Variants in RHOD observed in about 807,000 individuals in gnomAD.
RHOD encodes ras homolog family member D.
Under a neutral mutation model 16.7 loss-of-function variants are expected in RHOD, and 11 were observed. The observed-to-expected ratio is 0.66, with a 90% CI of 0.41 to 1.09. The LOEUF is 1.09. RHOD is among the 50% of genes least tolerant of loss of function. RHOD has a pLI of 0.00. For synonymous variants in RHOD, 124 were observed against 126.3 expected (o/e 0.98, Z 0.12); for missense variants, 271 against 291.7 (o/e 0.93, Z 0.52).
At chr11:67,062,104 T>C (rs1244655177) in intron 1 of RHOD, among the ~76,000 whole-genome samples, 1 of 152,006 alleles carries the variant, frequency 6.6e-6, no homozygotes, top group Non-Finnish European at 1.5e-5. Context: ...CGAGATGAGA[T>C]TTGCTTGGGG....
At position 67,071,651 on chromosome 11, in the gene RHOD, G is replaced by A. The variant is rs1327018929; in HGVS notation, c.*49G>A. 2.7e-5 allele frequency: 40 copies of A among 1,501,778 alleles called. No homozygotes were observed. The highest frequency in any genetic ancestry group is 3.6e-5 in the Non-Finnish European group (40 of 1,119,326). 93.0% of individuals were successfully genotyped at this position (1,501,778 alleles called of 1,614,324 possible). A position where few individuals can be genotyped will look rare whatever the true frequency, so the allele number is the denominator to read the frequency against. The stretch of plus-strand genomic sequence containing the variant: ...GCGGGAAGGGGCAGGGCGCTGACCT[G>A]CTGCTGAGCTGGCTGGGCTGGACCC... On this transcript the variant is annotated 3_prime_UTR_variant, in exon 5 of 5. Coordinates refer to ENST00000308831, the MANE Select transcript of RHOD (RefSeq NM_014578.4).
At position 67,070,413 on chromosome 11, in the gene RHOD, GC is replaced by G; in HGVS notation, c.331-6del. The G allele has an allele frequency of 6.2e-7, 1 of 1,612,738 alleles. No homozygotes were observed. Among genetic ancestry groups the G allele is most frequent in the Non-Finnish European group, 8.5e-7 (1 of 1,179,596 alleles). On this transcript the variant is annotated splice_polypyrimidine_tract_variant and intron_variant, in intron 3 of 4. Transcript: ENST00000308831. The stretch of plus-strand genomic sequence containing the variant: ...ACACATGCCCCCCACATGCCCCCTC[GC>G]CCCCCTGCAGTGGTACCCAGAAGTG...
At chr11:67,067,184 C>T (rs1364352512) in intron 3 of RHOD, among the ~76,000 whole-genome samples, 1 of 152,242 alleles carries the variant, frequency 6.6e-6, no homozygotes, top group Non-Finnish European at 1.5e-5. Context: ...ATCTCCCCAG[C>T]CTGTGCCCGC....
intron 1 of RHOD, among the ~76,000 whole-genome samples, chr11:67,060,796 T>C (rs1366685101): frequency 6.6e-6 from 1 of 152,238 alleles, no homozygotes; most frequent in Non-Finnish European, 1.5e-5. Flanking sequence ...GTCATTACCA[T>C]GGGCATTTGC....
Position 67,068,957 on chromosome 11 carries a change from TTTTG to T in RHOD, c.331-1444_331-1441del, listed in dbSNP as rs565103914. 1.4e-3 allele frequency among the ~76,000 whole-genome samples: 217 copies of T among 151,666 alleles called. 1 individual carries two copies. Among genetic ancestry groups the T allele is most frequent in the African/African-American group, 5.0e-3 (205 of 41,332 alleles). On this transcript the variant is annotated intron_variant, in intron 3 of 4. Coordinates refer to ENST00000308831, the MANE Select transcript of RHOD (RefSeq NM_014578.4). Reference sequence around the variant, plus strand: ...AGGAATGAGGTAGTTTGATGCCAATTTTTGTTTGTTTGTTTGTTTGTTTGTTTTG... The same window carrying T: ...AGGAATGAGGTAGTTTGATGCCAATTTTTGTTTGTTTGTTTGTTTGTTTTG...
chr11:67,067,159 G>A (rs989957445), intron 3 of RHOD, among the ~76,000 whole-genome samples: 8 of 152,172 alleles, frequency 5.3e-5, no homozygotes, highest in Non-Finnish European at 1.0e-4. Context: ...TGCTGGGTGA[G>A]CCAGAGGCTG....
chr11:67,059,435 C>A (rs112062440), intron 1 of RHOD, among the ~76,000 whole-genome samples: 1 of 151,938 alleles, frequency 6.6e-6, no homozygotes, highest in Non-Finnish European at 1.5e-5. Context: ...CCCAGCTACT[C>A]GGGAAGCTGA....
intron 1 of RHOD, among the ~76,000 whole-genome samples, chr11:67,064,361 C>T (rs1295050998): frequency 6.7e-6 from 1 of 148,634 alleles, no homozygotes; most frequent in African/African-American, 2.5e-5. Context: ...AGCCAGATCA[C>T]GCCATTGCAC....
chr11:67,063,306 C>T (rs536802687), intron 1 of RHOD, among the ~76,000 whole-genome samples: 1 of 151,298 alleles, frequency 6.6e-6, no homozygotes, highest in Admixed American at 6.6e-5. Flanking sequence ...GCCTGGGCAA[C>T]ATGGCAAAAC....
chr11:67,065,449 C>T (rs1390419102), intron 1 of RHOD, among the ~76,000 whole-genome samples: 2 of 152,010 alleles, frequency 1.3e-5, no homozygotes, highest in South Asian at 2.1e-4. Context: ...GGTGCGATCT[C>T]GTCTCACTGC....
chr11:67,071,568 G>A lies in RHOD; in HGVS notation c.599G>A (p.Arg200Gln), dbSNP rs750473794. 3 of 1,610,994 alleles carry A rather than the reference G, an allele frequency of 1.9e-6. No homozygotes were observed. The highest frequency in any genetic ancestry group is 1.1e-5 in the South Asian group (1 of 90,612). ...ALSSRGRNFW[R>Q]RITQGFCVVT ...AGCAGCCGCGGTCGCAACTTCTGGC[G>A]GCGGATTACCCAGGGCTTTTGCGTG... Residue 200 changes from arginine (R) to glutamine (Q), a missense_variant, in exon 5 of 5, where the codon CGG becomes CAG. Coordinates refer to ENST00000308831, the MANE Select transcript of RHOD (RefSeq NM_014578.4).
intron 1 of RHOD, among the ~76,000 whole-genome samples, chr11:67,060,641 T>G (rs1483916028): frequency 1.3e-5 from 2 of 152,220 alleles, no homozygotes; most frequent in East Asian, 3.8e-4. Context: ...AGCTGTTCAG[T>G]GTGTCACCTT....
At chr11:67,070,275 C>G (rs1855010904) in intron 3 of RHOD, 150 bp from the exon 4 acceptor site, 1 of 835,096 alleles carries the variant, frequency 1.2e-6, no homozygotes, top group Non-Finnish European at 2.0e-6. Context: ...AGATGAGGTT[C>G]TGGTACCAAA....
chr11:67,068,900 C>T (rs746461088), intron 3 of RHOD, among the ~76,000 whole-genome samples: 7 of 152,030 alleles, frequency 4.6e-5, no homozygotes, highest in Admixed American at 2.6e-4. Flanking sequence ...GGGGAATCTG[C>T]CAGGGACCCC....
At chr11:67,064,240 A>G (rs1854930756) in intron 1 of RHOD, among the ~76,000 whole-genome samples, 1 of 151,254 alleles carries the variant, frequency 6.6e-6, no homozygotes, top group African/African-American at 2.4e-5. Context: ...CCCCGTCTCT[A>G]CTAAAAATAC....
chr11:67,065,359 C>T (rs2136247630), intron 1 of RHOD, among the ~76,000 whole-genome samples: 1 of 152,080 alleles, frequency 6.6e-6, no homozygotes, highest in Admixed American at 6.5e-5. Context: ...CAGGCGTGAG[C>T]CAGCACACCC....
chr11:67,057,998 T>C (rs558829377), intron 1 of RHOD, among the ~76,000 whole-genome samples: 1 of 152,164 alleles, frequency 6.6e-6, no homozygotes, highest in Non-Finnish European at 1.5e-5. Context: ...TCTTTTTTTT[T>C]ATTTTTATTT....
chr11:67,059,753 C>T (rs1854863899), intron 1 of RHOD, among the ~76,000 whole-genome samples: 1 of 152,166 alleles, frequency 6.6e-6, no homozygotes, highest in Non-Finnish European at 1.5e-5. Context: ...TTCTCCACAG[C>T]CCCCAGTGCT....
chr11:67,058,547 G>A (rs1227403026), intron 1 of RHOD, among the ~76,000 whole-genome samples: 1 of 152,182 alleles, frequency 6.6e-6, no homozygotes, highest in Non-Finnish European at 1.5e-5. Flanking sequence ...CTGGCCTCAA[G>A]CGATCTGCCC....
Sources: allele counts gnomAD v4.1 joint callset (sites outside exome capture counted in the v4.1 genomes callset), GRCh38; gene constraint gnomAD v4.1.1; transcripts MANE v1.5; gene names NCBI Gene and HGNC (gene_info 2026-07-23, HGNC 2026-07-21).